CCSER1: variants seen among roughly 807,000 people sequenced by gnomAD.
The protein encoded by CCSER1 is serine-rich coiled-coil domain-containing protein 1.
CCSER1 carries 41 observed loss-of-function variants against 82.0 expected under a neutral mutation model. The observed-to-expected ratio is 0.50, with a 90% CI of 0.39 to 0.65. CCSER1 has a LOEUF of 0.65. CCSER1 is among the 30% of genes least tolerant of loss of function. The probability of loss-of-function intolerance (pLI) is 0.00; values close to 1 mark genes in which losing one functional copy is unlikely to be tolerated. For missense variants in CCSER1, 1,119 were observed against 1,064.2 expected (o/e 1.05, Z -0.72); for synonymous variants, 414 against 383.9 (o/e 1.08, Z -0.92).
chr4:91,046,369 A>G lies in CCSER1; in HGVS notation c.2173-39581A>G, dbSNP rs80330203. Among the ~76,000 whole-genome samples the G allele has an allele frequency of 5.1e-3, 780 of 152,084 alleles. 4 individuals are homozygous for G. The highest frequency in any genetic ancestry group is 0.017 in the African/African-American group (725 of 41,530). ...TTTTAGAAAATTCTTACACTTTTCT[A>G]TGGCTTCATAATACTAAGAGCTTTC... On this transcript the variant is annotated intron_variant, in intron 9 of 10. Coordinates refer to ENST00000509176, the MANE Select transcript of CCSER1 (RefSeq NM_001145065.2).
intron 5 of CCSER1, among the ~76,000 whole-genome samples, chr4:90,500,273 C>T (rs1209956140): frequency 6.6e-6 from 1 of 151,880 alleles, no homozygotes. Context: ...CTAAAATGGG[C>T]ATCTATATGT....
At chr4:91,593,713 G>A (rs1764383657) in intron 10 of CCSER1, among the ~76,000 whole-genome samples, 1 of 151,890 alleles carries the variant, frequency 6.6e-6, no homozygotes, top group African/African-American at 2.4e-5. Context: ...AAATGCAAAA[G>A]GACTGTCTGT....
intron 3 of CCSER1, among the ~76,000 whole-genome samples, chr4:90,323,370 C>A (rs1737522950): frequency 1.3e-5 from 2 of 152,186 alleles, no homozygotes; most frequent in African/African-American, 4.8e-5. Context: ...ATTTGGGACC[C>A]CATGCCACTT....
intron 10 of CCSER1, among the ~76,000 whole-genome samples, chr4:91,355,554 G>A (rs1035385979): frequency 1.3e-5 from 2 of 151,974 alleles, no homozygotes; most frequent in Admixed American, 6.5e-5. Flanking sequence ...GCAATTTTTT[G>A]TCCTACCTCA....
chr4:91,260,375 G>C (rs986808738), intron 10 of CCSER1, among the ~76,000 whole-genome samples: 1 of 152,164 alleles, frequency 6.6e-6, no homozygotes, highest in African/African-American at 2.4e-5. Flanking sequence ...TACCTCACTG[G>C]AATTAATCAT....
chr4:90,273,159 T>G (rs1726900251), intron 1 of CCSER1, among the ~76,000 whole-genome samples: 1 of 152,000 alleles, frequency 6.6e-6, no homozygotes, highest in South Asian at 2.1e-4. Flanking sequence ...AGCTAAAGAT[T>G]AAAACGTTTG....
At position 91,584,810 on chromosome 4, in the gene CCSER1, T is replaced by C. The variant is rs1033617414; in HGVS notation, c.2218-13762T>C. Among the ~76,000 whole-genome samples, 6 of 151,422 alleles carry C rather than the reference T, an allele frequency of 4.0e-5. No individual in the cohort carries two copies. The East Asian group carries it at 1.2e-3, about 29-fold the overall frequency. ...TTGTTTTGCATTTTTTTCAGAGCCT[T>C]AAAAATTTTCTTCTTGCCTATTATG... On this transcript the variant is annotated intron_variant, in intron 10 of 10. Transcript: ENST00000509176.
intron 10 of CCSER1, among the ~76,000 whole-genome samples, chr4:91,089,196 G>T (rs1426315921): frequency 6.6e-6 from 1 of 152,218 alleles, no homozygotes; most frequent in Admixed American, 6.5e-5. Context: ...AATCTAGGCG[G>T]TATGTGACAG....
rs553476799 is a variant in CCSER1, at chr4:91,366,373, G to A, written c.2218-232199G>A. 9.2e-5 allele frequency among the ~76,000 whole-genome samples: 14 copies of A among 152,108 alleles called. No individual in the cohort carries two copies. In the South Asian group the frequency reaches 2.9e-3, roughly 32 times the overall value. ...TTGTCATATTTTTTGAGTGGGCTTT[G>A]GAAACAAATCCTGGCATTGTACCAT... On this transcript the variant is annotated intron_variant, in intron 10 of 10. Coordinates refer to ENST00000509176, the MANE Select transcript of CCSER1 (RefSeq NM_001145065.2).
chr4:90,704,458 T>C (rs1738861257), intron 6 of CCSER1, among the ~76,000 whole-genome samples: 1 of 152,212 alleles, frequency 6.6e-6, no homozygotes, highest in Non-Finnish European at 1.5e-5. Context: ...TGGCTTGAAG[T>C]TGCTCTTCTC....
At chr4:91,451,667 G>T (rs1258474985) in intron 10 of CCSER1, among the ~76,000 whole-genome samples, 2 of 151,858 alleles carry the variant, frequency 1.3e-5, no homozygotes, top group Non-Finnish European at 2.9e-5. Flanking sequence ...GAAAAATTCT[G>T]CATGTAACAT....
intron 1 of CCSER1, among the ~76,000 whole-genome samples, chr4:90,232,193 G>T (rs1157078137): frequency 6.6e-6 from 1 of 152,004 alleles, no homozygotes; most frequent in Non-Finnish European, 1.5e-5. Context: ...GAACAAAGCT[G>T]GAGGCATCAC....
chr4:90,771,259 C>A (rs1372966177), intron 7 of CCSER1, among the ~76,000 whole-genome samples: 1 of 151,816 alleles, frequency 6.6e-6, no homozygotes, highest in East Asian at 1.9e-4. Flanking sequence ...TATTATTTTT[C>A]ATTTCTAATG....
chr4:90,540,286 T>A (rs1775944367), intron 5 of CCSER1, among the ~76,000 whole-genome samples: 1 of 152,058 alleles, frequency 6.6e-6, no homozygotes, highest in African/African-American at 2.4e-5. Context: ...TAATAAGAGT[T>A]CTTAAATTCA....
At chr4:90,597,937 C>T (rs1452086960) in intron 5 of CCSER1, among the ~76,000 whole-genome samples, 1 of 152,034 alleles carries the variant, frequency 6.6e-6, no homozygotes, top group Admixed American at 6.6e-5. Context: ...TAATGTCTTT[C>T]CAGTCCATCC....
intron 10 of CCSER1, among the ~76,000 whole-genome samples, chr4:91,381,933 C>T (rs1246518399): frequency 6.6e-6 from 1 of 150,530 alleles, no homozygotes; most frequent in Non-Finnish European, 1.5e-5. Context: ...TGTAGATGTC[C>T]TTTCTGTTTC....
chr4:90,143,245 A>G (rs1413025866), intron 1 of CCSER1, among the ~76,000 whole-genome samples: 1 of 152,090 alleles, frequency 6.6e-6, no homozygotes, highest in Non-Finnish European at 1.5e-5. Context: ...TTCCTGCCGT[A>G]TTAAGCCAAT....
At chr4:90,760,332 A>G (rs1402782563) in intron 7 of CCSER1, among the ~76,000 whole-genome samples, 1 of 151,956 alleles carries the variant, frequency 6.6e-6, no homozygotes, top group Admixed American at 6.6e-5. Context: ...GTTAACATCT[A>G]GCAGAAGCAG....
chr4:91,074,363 A>C (rs1721740518), intron 9 of CCSER1, among the ~76,000 whole-genome samples: 1 of 152,212 alleles, frequency 6.6e-6, no homozygotes, highest in Non-Finnish European at 1.5e-5. Flanking sequence ...TATTTAGATA[A>C]TGCCAATAAG....
Sources: gnomAD v4.1 joint callset for allele counts (sites outside exome capture counted in the v4.1 genomes callset) on GRCh38, gnomAD v4.1.1 for gene constraint, MANE v1.5 for transcripts, NCBI Gene and HGNC (gene_info 2026-07-23, HGNC 2026-07-21) for gene names.